The following DCC variants were observed in gnomAD, a reference collection of about 807,000 sequenced individuals.
DCC encodes DCC netrin 1 receptor.
A neutral mutation model predicts 172.5 loss-of-function variants in DCC; 58 were observed. That is an observed-to-expected ratio of 0.34 (90% CI 0.27 to 0.42). The LOEUF (loss-of-function observed/expected upper bound fraction) is 0.42. Ranked by LOEUF, DCC falls within the 10% of genes least tolerant of loss-of-function variation. The pLI, the probability that DCC is intolerant of heterozygous loss-of-function variation, is 1.00. For missense variants in DCC, 1,740 were observed against 1,791.0 expected, an observed-to-expected ratio of 0.97 and a Z score of 0.51; for synonymous variants, 709 against 644.5, an observed-to-expected ratio of 1.10 and a Z score of -1.52.
rs1316294914 is a variant in DCC, at chr18:52,962,517, C to T, written c.985+37147C>T. ...TTTACACTGTTGGTGGGACTGTAAA[C>T]TAGTTCAACCAATGTGGAATTCAGT... On this transcript the variant is annotated intron_variant, in intron 5 of 28. Transcript: ENST00000442544. 4.6e-5 allele frequency among the ~76,000 whole-genome samples: 7 copies of T among 152,046 alleles called. No homozygotes were observed. The East Asian group carries it at 7.7e-4, about 17-fold the overall frequency.
chr18:53,207,420 A>T (rs2055670421), intron 10 of DCC, among the ~76,000 whole-genome samples: 1 of 152,210 alleles, frequency 6.6e-6, no homozygotes, highest in African/African-American at 2.4e-5. Context: ...AACCCAAACC[A>T]TTCAGTACAT....
At chr18:52,809,776 C>A (rs1486909665) in intron 2 of DCC, among the ~76,000 whole-genome samples, 1 of 152,146 alleles carries the variant, frequency 6.6e-6, no homozygotes, top group Non-Finnish European at 1.5e-5. Flanking sequence ...TGAGAGGGGA[C>A]CCAAAGGGGG....
At chr18:53,122,707 T>C (rs1448142975) in intron 7 of DCC, among the ~76,000 whole-genome samples, 2 of 151,980 alleles carry the variant, frequency 1.3e-5, no homozygotes, top group Non-Finnish European at 1.5e-5. Flanking sequence ...CCTGAAAGAG[T>C]GAATGTCACA....
At chr18:52,418,797 G>A (rs915915039) in intron 1 of DCC, among the ~76,000 whole-genome samples, 3 of 150,172 alleles carry the variant, frequency 2.0e-5, no homozygotes, top group Admixed American at 6.6e-5. Flanking sequence ...TAGTAATCCT[G>A]TTATTATCTA....
chr18:53,152,858 G>A (rs1397148124), intron 7 of DCC, among the ~76,000 whole-genome samples: 1 of 132,922 alleles, frequency 7.5e-6, no homozygotes, highest in Non-Finnish European at 1.7e-5. Context: ...TGTTAAAACT[G>A]TGTTCCTCCG....
intron 12 of DCC, among the ~76,000 whole-genome samples, chr18:53,248,428 A>G (rs970802093): frequency 1.3e-5 from 2 of 152,002 alleles, no homozygotes; most frequent in African/African-American, 4.8e-5. Flanking sequence ...GAGGGTAGCA[A>G]TGGAAAACCA....
chr18:52,429,059 C>G (rs1987535409), intron 1 of DCC, among the ~76,000 whole-genome samples: 2 of 152,128 alleles, frequency 1.3e-5, no homozygotes, highest in South Asian at 4.1e-4. Flanking sequence ...CTAAACATCC[C>G]CTTGCCTTTC....
At chr18:53,042,597 G>T (rs2042183690) in intron 5 of DCC, among the ~76,000 whole-genome samples, 1 of 151,458 alleles carries the variant, frequency 6.6e-6, no homozygotes, top group Non-Finnish European at 1.5e-5. Flanking sequence ...AATCTACAAA[G>T]AACTTAAGCA....
intron 1 of DCC, among the ~76,000 whole-genome samples, chr18:52,659,641 A>T (rs529376529): frequency 6.6e-6 from 1 of 152,340 alleles, no homozygotes; most frequent in African/African-American, 2.4e-5. Flanking sequence ...AATGAATTAA[A>T]TAATTTAGCT....
At chr18:53,280,084 A>G (rs1321368132) in intron 12 of DCC, among the ~76,000 whole-genome samples, 1 of 152,116 alleles carries the variant, frequency 6.6e-6, no homozygotes, top group Non-Finnish European at 1.5e-5. Flanking sequence ...CCATGAACCT[A>G]AAACAAAAGT....
chr18:52,966,859 T>C (rs1366213187), intron 5 of DCC, among the ~76,000 whole-genome samples: 9 of 152,246 alleles, frequency 5.9e-5, no homozygotes. Context: ...TTAATTAATA[T>C]GAACCACTTG....
At position 52,796,637 on chromosome 18, in the gene DCC, G is replaced by A. The variant is rs1309004768; in HGVS notation, c.412+44263G>A. Among the ~76,000 whole-genome samples the A allele has an allele frequency of 5.3e-5, 8 of 152,156 alleles. No individual in the cohort carries two copies. The South Asian group carries it at 1.0e-3, about 20-fold the overall frequency. ...TTGTTTTATAAAGCATTTTGAATAT[G>A]TCATTCCATTTTCTCCTGACCTGCA... On this transcript the variant is annotated intron_variant, in intron 2 of 28. Coordinates refer to ENST00000442544, the MANE Select transcript of DCC (RefSeq NM_005215.4).
chr18:52,394,016 A>G (rs1986126096), intron 1 of DCC, among the ~76,000 whole-genome samples: 1 of 152,040 alleles, frequency 6.6e-6, no homozygotes, highest in South Asian at 2.1e-4. Flanking sequence ...TACCCTACCT[A>G]CTGGTAAATT....
intron 1 of DCC, among the ~76,000 whole-genome samples, chr18:52,702,684 T>C (rs980827435): frequency 6.6e-6 from 1 of 152,134 alleles, no homozygotes; most frequent in Non-Finnish European, 1.5e-5. Flanking sequence ...TCCGTCTTAC[T>C]CCCATCTTAA....
intron 1 of DCC, among the ~76,000 whole-genome samples, chr18:52,431,694 A>G (rs1467480468): frequency 4.7e-4 from 72 of 152,104 alleles, no homozygotes; most frequent in Admixed American, 4.7e-3. Context: ...TCGTAGCTCC[A>G]CTCAGCCTGG....
intron 1 of DCC, among the ~76,000 whole-genome samples, chr18:52,360,351 C>T (rs568838806): frequency 1.3e-5 from 2 of 152,316 alleles, no homozygotes; most frequent in African/African-American, 2.4e-5. Flanking sequence ...ATTCCAAATA[C>T]AGCTTTAGAA....
intron 1 of DCC, among the ~76,000 whole-genome samples, chr18:52,743,744 C>T (rs543809877): frequency 6.6e-6 from 1 of 152,340 alleles, no homozygotes; most frequent in South Asian, 2.1e-4. Flanking sequence ...TCTGTGTGGG[C>T]TCACTAAGAG....
intron 2 of DCC, among the ~76,000 whole-genome samples, chr18:52,775,986 C>T (rs551872831): frequency 6.6e-6 from 1 of 152,264 alleles, no homozygotes; most frequent in African/African-American, 2.4e-5. Flanking sequence ...AAGATGTTCC[C>T]AGCACAATAG....
chr18:52,639,798 G>A (rs1031510083), intron 1 of DCC, among the ~76,000 whole-genome samples: 2 of 152,004 alleles, frequency 1.3e-5, no homozygotes, highest in Admixed American at 1.3e-4. Context: ...AAGAAGAATT[G>A]GTACCTATTC....
Sources: allele counts gnomAD v4.1 joint callset (sites outside exome capture counted in the v4.1 genomes callset), GRCh38; gene constraint gnomAD v4.1.1; transcripts MANE v1.5; gene names NCBI Gene and HGNC (gene_info 2026-07-23, HGNC 2026-07-21).